The following JAM2 variants were observed in gnomAD, a reference collection of about 807,000 sequenced individuals.
JAM2 encodes junctional adhesion molecule 2.
In JAM2, 17 loss-of-function variants were observed where a neutral mutation model predicts 42.0. That is an observed-to-expected ratio of 0.40 (90% CI 0.28 to 0.61). The LOEUF (loss-of-function observed/expected upper bound fraction) is 0.61. Ranked by LOEUF, JAM2 falls within the 20% of genes least tolerant of loss-of-function variation. The pLI, the probability that JAM2 is intolerant of heterozygous loss-of-function variation, is 0.37. For synonymous variants in JAM2, 118 were observed against 128.6 expected, an observed-to-expected ratio of 0.92 and a Z score of 0.56; for missense variants, 319 against 358.3, an observed-to-expected ratio of 0.89 and a Z score of 0.89.
chr21:25,678,647 T>G (rs1409610578), intron 1 of JAM2, among the ~76,000 whole-genome samples: 76 of 152,310 alleles, frequency 5.0e-4, no homozygotes, highest in Admixed American at 4.8e-3. Flanking sequence ...CAGCTGTCAA[T>G]AGAAAGGATC....
chr21:25,658,528 A>C (rs182864448), intron 1 of JAM2, among the ~76,000 whole-genome samples: 3 of 152,276 alleles, frequency 2.0e-5, no homozygotes, highest in Non-Finnish European at 4.4e-5. Flanking sequence ...TTGTGAAAGA[A>C]TATAAAAGAG....
chr21:25,663,404 T>C (rs1213346302), intron 1 of JAM2, among the ~76,000 whole-genome samples: 1 of 152,180 alleles, frequency 6.6e-6, no homozygotes, highest in African/African-American at 2.4e-5. Context: ...CCCTCCTGAA[T>C]CAAAGGAAGA....
In JAM2 at chr21:25,715,131, A is replaced by T. The variant is rs971540773; in HGVS notation, c.*459A>T. 6.5e-6 allele frequency: 1 copy of T among 153,048 alleles called. No homozygotes were observed. The highest frequency in any genetic ancestry group is 1.5e-5 in the Non-Finnish European group (1 of 68,696). 9.5% of individuals were successfully genotyped at this position (153,048 alleles called of 1,614,324 possible). On this transcript the variant is annotated 3_prime_UTR_variant, in exon 10 of 10. Coordinates refer to ENST00000480456, the MANE Select transcript of JAM2 (RefSeq NM_021219.4). ...TGCCAGAATCCTCTTTTCTCCCCTA[A>T]TATCATCCTTATTCTGATGCTCGTT... is the stretch of plus-strand genomic sequence containing the variant.
intron 8 of JAM2, chr21:25,710,245 T>C (rs1041396669): frequency 1.3e-5 from 2 of 152,214 alleles, no homozygotes; most frequent in South Asian, 4.1e-4. Flanking sequence ...CATTTTTTTA[T>C]ATTAATTGAA....
chr21:25,694,467 A>C (rs1273643532), intron 4 of JAM2, among the ~76,000 whole-genome samples: 1 of 152,230 alleles, frequency 6.6e-6, no homozygotes, highest in African/African-American at 2.4e-5. Context: ...ATACAGCTAG[A>C]AAGTGTCTGG....
chr21:25,687,835 T>C (rs765823575), intron 2 of JAM2, among the ~76,000 whole-genome samples: 7 of 152,222 alleles, frequency 4.6e-5, no homozygotes, highest in Non-Finnish European at 1.0e-4. Flanking sequence ...GCTACTGTTT[T>C]TCAAAAATTG....
intron 8 of JAM2, chr21:25,710,232 A>C (rs1274313858): frequency 6.6e-6 from 1 of 152,170 alleles, no homozygotes; most frequent in African/African-American, 2.4e-5. Context: ...TTTAGTTAAC[A>C]GTCATTTTTT....
At chr21:25,682,214 A>G (rs1178549468) in intron 1 of JAM2, among the ~76,000 whole-genome samples, 2 of 152,242 alleles carry the variant, frequency 1.3e-5, no homozygotes, top group African/African-American at 4.8e-5. Flanking sequence ...TATTTTAGAT[A>G]TGTATACTTA....
Position 25,709,460 on chromosome 21 carries a change from T to A in JAM2, c.821+11T>A. ...AGAAACCTCCTTCCAGTAAGTATAC[T>A]TTCCTACAATGCATGTCTTTCTCCT... is the stretch of plus-strand genomic sequence containing the variant. On this transcript the variant is annotated intron_variant, in intron 8 of 9. Transcript: ENST00000480456. 7 of 1,450,306 alleles carry A rather than the reference T, an allele frequency of 4.8e-6. No individual in the cohort carries two copies. Among genetic ancestry groups the A allele is most frequent in the Non-Finnish European group, 6.7e-6 (7 of 1,045,872 alleles). The allele number at this position is 1,450,306 out of a possible 1,614,324, so 89.8% of individuals were successfully genotyped here.
At chr21:25,683,981 T>C (rs1198337872) in intron 2 of JAM2, 33 bp downstream of exon 2, 1 of 1,374,410 alleles carries the variant, frequency 7.3e-7, no homozygotes, top group Admixed American at 2.0e-5. Context: ...ACAGGCTGTA[T>C]TGTTTAAATA....
chr21:25,710,984 G>A (rs77295689), intron 8 of JAM2, among the ~76,000 whole-genome samples: 1,891 of 152,340 alleles, frequency 0.012, 32 homozygotes, highest in African/African-American at 0.043. Context: ...AGAAGTGACA[G>A]TGTTTTGGAT....
At chr21:25,684,015 T>C in intron 2 of JAM2, 67 bp downstream of exon 2, 1 of 1,003,092 alleles carries the variant, frequency 1.0e-6, no homozygotes, top group East Asian at 2.6e-5. Context: ...ACTCGTGTGA[T>C]GTTATTTTCT....
chr21:25,643,836 C>T (rs1208040841), intron 1 of JAM2: 2 of 152,122 alleles, frequency 1.3e-5, no homozygotes, highest in African/African-American at 4.8e-5. Context: ...ATGAGAGGAG[C>T]CCACAGGAGC....
In JAM2 at chr21:25,639,281, G is replaced by A. The variant is rs1251228988; in HGVS notation, c.-541G>A. 2 of 152,564 alleles carry A rather than the reference G, an allele frequency of 1.3e-5. No individual in the cohort carries two copies. Among genetic ancestry groups the A allele is most frequent in the Non-Finnish European group, 2.9e-5 (2 of 68,328 alleles). 9.5% of individuals were successfully genotyped at this position (152,564 alleles called of 1,614,324 possible). A position where few individuals can be genotyped will look rare whatever the true frequency, so the allele number is the denominator to read the frequency against. The stretch of plus-strand genomic sequence containing the variant: ...CCAGAAAGAAGTTTTGAGCCAACGA[G>A]GGGAAGAAAGGAGTTGGGGCAAAAC... On this transcript the variant is annotated 5_prime_UTR_variant, in exon 1 of 10. Transcript: ENST00000480456.
chr21:25,681,654 T>C (rs2033634065), intron 1 of JAM2, among the ~76,000 whole-genome samples: 1 of 152,098 alleles, frequency 6.6e-6, no homozygotes, highest in Non-Finnish European at 1.5e-5. Flanking sequence ...TTAATACCAA[T>C]CCAATATTGT....
chr21:25,673,353 A>C (rs901805711), intron 1 of JAM2, among the ~76,000 whole-genome samples: 1 of 152,218 alleles, frequency 6.6e-6, no homozygotes, highest in South Asian at 2.1e-4. Context: ...AATGCATGTA[A>C]CTTATATGAA....
At chr21:25,695,048 T>C (rs1470148485) in intron 4 of JAM2, among the ~76,000 whole-genome samples, 2 of 151,510 alleles carry the variant, frequency 1.3e-5, no homozygotes, top group Non-Finnish European at 2.9e-5. Flanking sequence ...GGCAGGGTCA[T>C]AGGACAATAG....
At chr21:25,698,979 C>T (rs763853079) in intron 5 of JAM2, 100 bp downstream of exon 5, 113 of 1,057,186 alleles carry the variant, frequency 1.1e-4, no homozygotes, top group Non-Finnish European at 1.4e-4. Flanking sequence ...GATACCATTG[C>T]TTGCTAAGTG....
At chr21:25,684,719 T>A (rs563571388) in intron 2 of JAM2, among the ~76,000 whole-genome samples, 6 of 152,208 alleles carry the variant, frequency 3.9e-5, no homozygotes, top group African/African-American at 9.6e-5. Context: ...TCCTCCCACC[T>A]CAGCCACCCA....
Sources: allele counts gnomAD v4.1 joint callset (sites outside exome capture counted in the v4.1 genomes callset), GRCh38; gene constraint gnomAD v4.1.1; transcripts MANE v1.5; gene names NCBI Gene and HGNC (gene_info 2026-07-23, HGNC 2026-07-21).